The following TTN variants were observed in gnomAD, a reference collection of about 807,000 sequenced individuals.
TTN encodes the protein connectin.
Under a neutral mutation model 3,223.0 loss-of-function variants are expected in TTN, and 1,525 were observed. The ratio of observed to expected loss-of-function variants is 0.47; its 90% CI spans 0.45 to 0.49. The LOEUF (loss-of-function observed/expected upper bound fraction) is 0.49, where lower values mean the gene tolerates loss of function less well. TTN is among the 20% of genes least tolerant of loss of function. TTN has a pLI of 0.00. For missense variants in TTN, 40,786 were observed against 43,424.0 expected, an observed-to-expected ratio of 0.94 and a Z score of 5.40; for synonymous variants, 14,094 against 15,161.0, an observed-to-expected ratio of 0.93 and a Z score of 5.17.
intron 168 of TTN, 45 bp from the exon 169 acceptor site, chr2:178,664,143 A>G (rs1482115266): frequency 6.5e-7 from 1 of 1,529,302 alleles, no homozygotes; most frequent in East Asian, 2.3e-5. Flanking sequence ...TACAGAGATT[A>G]CTAGATAGAT....
intron 10 of TTN, among the ~76,000 whole-genome samples, chr2:178,791,110 C>T (rs762161914): frequency 2.0e-5 from 3 of 152,130 alleles, no homozygotes; most frequent in Non-Finnish European, 2.9e-5. Context: ...TTAGGGAACC[C>T]GGTGGGTGGC....
intron 47 of TTN, chr2:178,749,204 A>G (rs754824850): frequency 6.2e-7 from 1 of 1,611,008 alleles, no homozygotes; most frequent in South Asian, 1.1e-5. Context: ...AAGTTTTCCA[A>G]AATTATTTCT....
In TTN at chr2:178,727,310, T is replaced by C; in HGVS notation, c.20055A>G (p.Ser6685=). Residue 6685 remains serine (S), a synonymous_variant, in exon 69 of 363, where the codon TCA becomes TCG. Coordinates refer to ENST00000589042, the MANE Select transcript of TTN (RefSeq NM_001267550.2). ...ASKIVKAGDS[S]RLECKIAGSP... is the part of the protein sequence containing the mutation. Reference sequence around the variant, plus strand: ...ATCCAGCTATCTTGCATTCAAGTCGTGAAGAGTCACCTGCTTTCACAATTT... The same window carrying C: ...ATCCAGCTATCTTGCATTCAAGTCGCGAAGAGTCACCTGCTTTCACAATTT... 6.2e-7 allele frequency: 1 copy of C among 1,612,586 alleles called. No homozygotes were observed. The highest frequency in any genetic ancestry group is 8.5e-7 in the Non-Finnish European group (1 of 1,179,190).
chr2:178,664,993 A>C, intron 165 of TTN, 67 bp from the exon 166 acceptor site: 1 of 1,506,060 alleles, frequency 6.6e-7, no homozygotes, highest in Non-Finnish European at 9.0e-7. Context: ...AACCACAATA[A>C]GTTAGGAAAT....
intron 242 of TTN, among the ~76,000 whole-genome samples, chr2:178,622,979 C>G (rs1019739454): frequency 6.6e-6 from 1 of 151,814 alleles, no homozygotes; most frequent in African/African-American, 2.4e-5. Context: ...ATGTGGCATT[C>G]TATATGTTCA....
At chr2:178,683,968 A>ATT (rs372078760) in intron 133 of TTN, 31 bp downstream of exon 133, 1,164 of 1,257,126 alleles carry the variant, frequency 9.3e-4, no homozygotes, top group South Asian at 2.9e-3. Context: ...GCTTATTTTG[A>ATT]TTTTTTTTTT....
chr2:178,649,072 C>T (rs1186964005), intron 213 of TTN, among the ~76,000 whole-genome samples, 176 bp downstream of exon 213: 1 of 152,062 alleles, frequency 6.6e-6, no homozygotes, highest in Non-Finnish European at 1.5e-5. Context: ...AACTGAATCC[C>T]ACTCATTTTT....
At chr2:178,752,350 C>A (rs144126435) in intron 47 of TTN, among the ~76,000 whole-genome samples, 14 of 151,948 alleles carry the variant, frequency 9.2e-5, no homozygotes, top group African/African-American at 2.9e-4. Flanking sequence ...AAACTTTGTT[C>A]TTTTGATGGC....
Position 178,558,381 on chromosome 2 carries a change from C to G in TTN, c.87078G>C (p.Pro29026=), listed in dbSNP as rs772691207. 2.5e-6 allele frequency: 4 copies of G among 1,613,596 alleles called. No homozygotes were observed. The Admixed American group carries it at 6.7e-5, about 27-fold the overall frequency. The change falls in exon 327 of 363, where the codon CCG becomes CCC. Residue 29026 remains proline, a synonymous_variant. Transcript: ENST00000589042. The part of the protein sequence containing the change: ...FAENQAGLSD[P]RELLLPVLIK... ...TAAGAACAGGAAGCAGAAGCTCTCT[C>G]GGGTCACTCAGGCCAGCTTGATTTT...
chr2:178,589,651 G>T lies in TTN; in HGVS notation c.62074C>A (p.Pro20692Thr). ...TTTGGACTGCCACCATCATAGTCAG[G>T]CCTCCGCCACTTTAGATAGACAAAT... Reference protein sequence around the residue: ...KTFVYLKWRRPDYDGGSPNLS... With the variant: ...KTFVYLKWRRTDYDGGSPNLS... The change falls in exon 304 of 363, where the codon CCT (proline) becomes ACT (threonine). Residue 20692 changes from proline (P) to threonine (T), a missense_variant. Coordinates refer to ENST00000589042, the MANE Select transcript of TTN (RefSeq NM_001267550.2). 6.2e-7 allele frequency: 1 copy of T among 1,613,434 alleles called. No homozygotes were observed. The highest frequency in any genetic ancestry group is 8.5e-7 in the Non-Finnish European group (1 of 1,179,592).
intron 6 of TTN, among the ~76,000 whole-genome samples, chr2:178,797,207 T>C (rs2093812838): frequency 2.0e-5 from 3 of 152,176 alleles, no homozygotes; most frequent in Admixed American, 6.5e-5. Flanking sequence ...TGTGATTTCA[T>C]GGTGTGCAAA....
rs10200398 is a variant in TTN, at chr2:178,732,433, T to A, written c.16621+7A>T. On this transcript the variant is annotated splice_region_variant and intron_variant, in intron 56 of 362. Coordinates refer to ENST00000589042, the MANE Select transcript of TTN (RefSeq NM_001267550.2). ...TAGCACAAAGATGTCAAGAAAACAA[T>A]GCAAACCTTTTACAAACAAGTTTGC... The A allele has an allele frequency of 4.8e-4, 763 of 1,595,782 alleles. 2 individuals carry two copies. Among genetic ancestry groups the A allele is most frequent in the African/African-American group, 4.3e-3 (319 of 74,146 alleles).
intron 223 of TTN, among the ~76,000 whole-genome samples, chr2:178,637,903 A>G (rs1421249657): frequency 2.0e-5 from 3 of 152,052 alleles, no homozygotes; most frequent in Admixed American, 6.6e-5. Context: ...AAAAGAGTCC[A>G]TGTACCACAC....
In TTN at chr2:178,590,910, G is replaced by A. The variant is rs760277470; in HGVS notation, c.60815C>T (p.Pro20272Leu). Reference sequence around the variant, plus strand: ...AACCACTGGTTTACCAGGAGGAGACGGAGGACTAAATTTATGCTTAGCAAC... The same window carrying A: ...AACCACTGGTTTACCAGGAGGAGACAGAGGACTAAATTTATGCTTAGCAAC... ...PTVAKHKFSP[P>L]SPPGKPVVTD... The change falls in exon 304 of 363, where the codon CCG becomes CTG. Residue 20272 changes from proline to leucine, a missense_variant. Transcript: ENST00000589042. The A allele has an allele frequency of 4.3e-6, 7 of 1,612,370 alleles. No homozygotes were observed. The highest frequency in any genetic ancestry group is 4.2e-6 in the Non-Finnish European group (5 of 1,178,796).
At position 178,775,669 on chromosome 2, in the gene TTN, T is replaced by C; in HGVS notation, c.6195A>G (p.Lys2065=). The part of the protein sequence containing the change: ...EEGKITIPTF[K]PDKIELSPSM... ...TAGGACTTAGTTCAATCTTGTCAGGTTTAAAAGTTGGAATCGTGATTTTGC... is the reference window on the plus strand; with the variant it reads ...TAGGACTTAGTTCAATCTTGTCAGGCTTAAAAGTTGGAATCGTGATTTTGC... The change falls in exon 28 of 363, where the codon AAA becomes AAG. Residue 2065 remains lysine, a synonymous_variant. Transcript: ENST00000589042. 6.2e-7 allele frequency: 1 copy of C among 1,614,102 alleles called. No homozygotes were observed.
Position 178,573,986 on chromosome 2 carries a change from A to G in TTN, c.72146T>C (p.Leu24049Pro), listed in dbSNP as rs56399205. 1,870 of 1,613,410 alleles carry G rather than the reference A, an allele frequency of 1.2e-3. 4 individuals carry two copies. Among genetic ancestry groups the G allele is most frequent in the Non-Finnish European group, 1.5e-3 (1,758 of 1,179,602 alleles). The change falls in exon 326 of 363, where the codon CTG (leucine) becomes CCG (proline). Residue 24049 changes from leucine to proline, a missense_variant. Physicochemically the swap from Leu to Pro is moderately conservative, Grantham distance 98. Transcript: ENST00000589042. ...VILKAGEAFR[L>P]EADVSGRPPP... Reference sequence around the variant, plus strand: ...TGGGCGGCCTGAAACATCAGCTTCCAGTCTGAATGCTTCACCTGCTTTTAA... The same window carrying G: ...TGGGCGGCCTGAAACATCAGCTTCCGGTCTGAATGCTTCACCTGCTTTTAA...
At position 178,543,479 on chromosome 2, in the gene TTN, C is replaced by G; in HGVS notation, c.96494G>C (p.Arg32165Thr). The change falls in exon 347 of 363, where the codon AGA becomes ACA. Residue 32165 changes from arginine to threonine, a missense_variant. Arg to Thr is a moderately conservative substitution (Grantham distance 71). Transcript: ENST00000589042. ...VTTKCSKTLYRISGLVEGTMY... is the reference protein window; with the variant it reads ...VTTKCSKTLYTISGLVEGTMY... ...GGTTCCTTCTACAAGTCCAGAAATT[C>G]TGTAAAGTGTCTTGCTGCATTTGGT... 6.2e-7 allele frequency: 1 copy of G among 1,613,798 alleles called. No homozygotes were observed. Among genetic ancestry groups the G allele is most frequent in the Non-Finnish European group, 8.5e-7 (1 of 1,179,780 alleles).
rs1052365962 is a variant in TTN, at chr2:178,715,487, G to A, written c.25921+6C>T. ...TGAAAAACACACAGGTGGGGAGAGC[G>A]CTGACCTTTAACTTTTAAGGATGTG... is the stretch of plus-strand genomic sequence containing the variant. On this transcript the variant is annotated splice_donor_region_variant and intron_variant, in intron 89 of 362. Transcript: ENST00000589042. 6.2e-7 allele frequency: 1 copy of A among 1,607,354 alleles called. No individual in the cohort carries two copies. Among genetic ancestry groups the A allele is most frequent in the South Asian group, 1.1e-5 (1 of 90,678 alleles).
At position 178,583,700 on chromosome 2, in the gene TTN, C is replaced by T. The variant is rs1294321352; in HGVS notation, c.65482G>A (p.Ala21828Thr). The change falls in exon 312 of 363, where the codon GCT (alanine) becomes ACT (threonine). Residue 21828 changes from alanine (A) to threonine (T), a missense_variant. Coordinates refer to ENST00000589042, the MANE Select transcript of TTN (RefSeq NM_001267550.2). The stretch of plus-strand genomic sequence containing the variant: ...GCAATAGCTCTAAATTGATACTGAG[C>T]TTTCTCTTCTAGGCCAGTAGCTGTG... ...EYTATGLEEK[A>T]QYQFRAIART... The T allele has an allele frequency of 6.2e-7, 1 of 1,612,370 alleles. No individual in the cohort carries two copies. The highest frequency in any genetic ancestry group is 1.1e-5 in the South Asian group (1 of 90,878).
Sources: allele counts gnomAD v4.1 joint callset (sites outside exome capture counted in the v4.1 genomes callset), GRCh38; gene constraint gnomAD v4.1.1; transcripts MANE v1.5; gene names NCBI Gene and HGNC (gene_info 2026-07-23, HGNC 2026-07-21).